Variants in VPS13B observed in about 807,000 individuals in gnomAD.
The protein encoded by VPS13B is intermembrane lipid transfer protein VPS13B.
Under a neutral mutation model 426.4 loss-of-function variants are expected in VPS13B, and 285 were observed. The observed-to-expected ratio is 0.67, with a 90% CI of 0.61 to 0.74. VPS13B has a LOEUF of 0.74. VPS13B is among the 30% of genes least tolerant of loss of function. The pLI is 0.00. For missense variants in VPS13B, 4,537 were observed against 4,782.6 expected (o/e 0.95, Z 1.51); for synonymous variants, 1,676 against 1,676.4 (o/e 1.00, Z 0.01).
chr8:99,500,841 T>C (rs548540592), intron 25 of VPS13B, among the ~76,000 whole-genome samples: 16 of 152,346 alleles, frequency 1.1e-4, no homozygotes, highest in African/African-American at 3.6e-4. Flanking sequence ...CATTTGAGAC[T>C]GAAGCTGTTC....
chr8:99,241,743 A>G (rs891341862), intron 17 of VPS13B, among the ~76,000 whole-genome samples: 1 of 152,218 alleles, frequency 6.6e-6, no homozygotes, highest in African/African-American at 2.4e-5. Flanking sequence ...TTCTCTAACT[A>G]AATGAAGAAA....
chr8:99,793,254 C>T (rs1039715127), intron 43 of VPS13B, among the ~76,000 whole-genome samples: 11 of 107,012 alleles, frequency 1.0e-4, no homozygotes, highest in South Asian at 3.3e-4. Flanking sequence ...TTGCCCTCTC[C>T]ATATATATAT....
At chr8:99,035,617 A>G (rs542294277) in intron 2 of VPS13B, among the ~76,000 whole-genome samples, 81 of 152,280 alleles carry the variant, frequency 5.3e-4, no homozygotes, top group Non-Finnish European at 9.1e-4. Context: ...TATTGTGATT[A>G]ATGCTGCTTT....
intron 33 of VPS13B, among the ~76,000 whole-genome samples, chr8:99,587,446 A>T (rs2133830522): frequency 6.6e-6 from 1 of 151,784 alleles, no homozygotes; most frequent in South Asian, 2.1e-4. Context: ...CCAACAGTGT[A>T]AAAGTGTTCC....
chr8:99,455,761 A>AC (rs766078700), intron 23 of VPS13B, among the ~76,000 whole-genome samples: 3 of 152,150 alleles, frequency 2.0e-5, no homozygotes, highest in Admixed American at 6.6e-5. Context: ...CACTTGGTGT[A>AC]ACATTTTGGT....
At chr8:99,640,068 A>AGAAGAAGAAGAAGAAG (rs1326235168) in intron 33 of VPS13B, among the ~76,000 whole-genome samples, 3 of 136,232 alleles carry the variant, frequency 2.2e-5, no homozygotes, top group African/African-American at 5.4e-5. Context: ...AAAGAAAAGA[A>AGAAGAAGAAGAAGAAG]AAGAAAAGAA....
At chr8:99,027,415 CTT>C (rs773116219) in intron 2 of VPS13B, among the ~76,000 whole-genome samples, 27 of 150,962 alleles carry the variant, frequency 1.8e-4, no homozygotes, top group Admixed American at 3.3e-4. Context: ...TTTTACTTCT[CTT>C]TCTCATTTGT....
intron 30 of VPS13B, among the ~76,000 whole-genome samples, chr8:99,523,771 G>A (rs985285437): frequency 6.6e-6 from 1 of 152,000 alleles, no homozygotes; most frequent in African/African-American, 2.4e-5. Flanking sequence ...AGAAAAATGG[G>A]TACAAACAAG....
At chr8:99,049,601 T>C (rs907412374) in intron 3 of VPS13B, among the ~76,000 whole-genome samples, 1 of 152,054 alleles carries the variant, frequency 6.6e-6, no homozygotes, top group Non-Finnish European at 1.5e-5. Context: ...GCTCTTAAGA[T>C]TCTTTTCTTT....
At chr8:99,429,927 G>T (rs990115143) in intron 21 of VPS13B, among the ~76,000 whole-genome samples, 1 of 151,968 alleles carries the variant, frequency 6.6e-6, no homozygotes, top group Non-Finnish European at 1.5e-5. Flanking sequence ...CCTATATATA[G>T]CTCTAACCTC....
intron 19 of VPS13B, among the ~76,000 whole-genome samples, chr8:99,381,666 G>GT (rs962786351): frequency 1.3e-5 from 2 of 151,382 alleles, no homozygotes; most frequent in South Asian, 2.1e-4. Context: ...ATGATGTTGA[G>GT]TTTTTTTTCA....
intron 49 of VPS13B, among the ~76,000 whole-genome samples, chr8:99,820,676 A>T (rs16897749): frequency 6.6e-6 from 1 of 152,096 alleles, no homozygotes; most frequent in African/African-American, 2.4e-5. Context: ...GGAAAATTTT[A>T]TATTTCTGTC....
intron 35 of VPS13B, among the ~76,000 whole-genome samples, chr8:99,682,789 C>A (rs536772644): frequency 7.6e-4 from 115 of 152,280 alleles, no homozygotes; most frequent in Middle Eastern, 3.4e-3. Flanking sequence ...GGCTCTATAA[C>A]CTGCCAGGCT....
intron 11 of VPS13B, 82 bp from the exon 12 acceptor site, chr8:99,136,583 A>T: frequency 7.7e-7 from 1 of 1,302,688 alleles, no homozygotes. Flanking sequence ...CTATATAAAG[A>T]TATGTGTCTA....
intron 36 of VPS13B, among the ~76,000 whole-genome samples, chr8:99,714,497 A>G (rs965899212): frequency 2.0e-5 from 3 of 152,180 alleles, no homozygotes; most frequent in African/African-American, 4.8e-5. Flanking sequence ...GAAAAAGAGC[A>G]TATCTGCATA....
chr8:99,081,582 A>AACCCCACACCAGGCCCCC (rs1845462374), intron 3 of VPS13B, among the ~76,000 whole-genome samples: 5 of 26,726 alleles, frequency 1.9e-4, no homozygotes, highest in African/African-American at 5.7e-4. Flanking sequence ...CCCCTCCCCC[A>AACCCCACACCAGGCCCCC]ACCCCACAAC....
intron 19 of VPS13B, among the ~76,000 whole-genome samples, chr8:99,321,794 A>T (rs1256415898): frequency 2.0e-5 from 3 of 152,178 alleles, no homozygotes; most frequent in African/African-American, 4.8e-5. Context: ...TATATGAGAA[A>T]TGTGTTATGG....
chr8:99,770,137 T>C (rs79438073), intron 40 of VPS13B, among the ~76,000 whole-genome samples: 4,898 of 152,202 alleles, frequency 0.032, 94 homozygotes, highest in East Asian at 0.047. Flanking sequence ...CCAGCCTGGG[T>C]GACAGAGCGA....
intron 19 of VPS13B, among the ~76,000 whole-genome samples, chr8:99,319,591 C>T (rs924154807): frequency 2.0e-5 from 3 of 152,146 alleles, no homozygotes; most frequent in Admixed American, 1.3e-4. Context: ...TGGTTAATGT[C>T]AGTACTGTCT....
Sources: gnomAD v4.1 joint callset for allele counts (sites outside exome capture counted in the v4.1 genomes callset) on GRCh38, gnomAD v4.1.1 for gene constraint, MANE v1.5 for transcripts, NCBI Gene and HGNC (gene_info 2026-07-23, HGNC 2026-07-21) for gene names.